The following POLR1A variants were observed in gnomAD, a reference collection of about 807,000 sequenced individuals.
The protein encoded by POLR1A is DNA-directed RNA polymerase I subunit RPA1.
Under a neutral mutation model 205.3 loss-of-function variants are expected in POLR1A, and 84 were observed. The observed-to-expected ratio is 0.41, with a 90% CI of 0.34 to 0.49. The LOEUF (loss-of-function observed/expected upper bound fraction) is 0.49, where lower values mean the gene tolerates loss of function less well. POLR1A is among the 20% of genes least tolerant of loss of function. POLR1A has a pLI of 0.22. For synonymous variants in POLR1A, 799 were observed against 863.7 expected, an observed-to-expected ratio of 0.93 and a Z score of 1.31; for missense variants, 1,645 against 2,204.5, an observed-to-expected ratio of 0.75 and a Z score of 5.08.
intron 1 of POLR1A, among the ~76,000 whole-genome samples, chr2:86,100,856 G>C (rs980485832): frequency 2.8e-4 from 43 of 152,182 alleles, no homozygotes; most frequent in African/African-American, 9.9e-4. Context: ...ATTTAGTCCT[G>C]ATCTTAATCC....
rs772936701 is a variant in POLR1A at position 86,031,556 on chromosome 2, G to C, written c.4352C>G (p.Pro1451Arg). ...DDEDMQEERN[P>R]HREGARKTQE... ...GGTCTTTCGAGCACCTTCCCTGTGG[G>C]GATTTCGTTCCTCCTGCATGTCTTC... The change falls in exon 30 of 34, where the codon CCC becomes CGC. Residue 1451 changes from proline (P) to arginine (R), a missense_variant. This residue lies in a region of POLR1A where 394 missense variants were observed against 468.5 expected (regional missense o/e 0.84). Transcript: ENST00000263857. 6.2e-7 allele frequency: 1 copy of C among 1,614,100 alleles called. No homozygotes were observed. The highest frequency in any genetic ancestry group is 1.3e-5 in the African/African-American group (1 of 75,008).
chr2:86,069,997 C>T, intron 13 of POLR1A, 21 bp downstream of exon 13: 2 of 1,605,268 alleles, frequency 1.2e-6, no homozygotes, highest in Non-Finnish European at 1.7e-6. Context: ...GACCACGGAA[C>T]AGCCTCAAGG....
intron 29 of POLR1A, 93 bp downstream of exon 29, chr2:86,032,179 A>C: frequency 1.2e-6 from 1 of 851,470 alleles, no homozygotes; most frequent in Non-Finnish European, 2.0e-6. Context: ...CATGACACAG[A>C]GGTGTGGCCT....
rs1297974858 is a variant in POLR1A at position 86,026,162 on chromosome 2, GCAGGC to G, written c.*1256_*1260del. ...GCTCTGGAAGGAGGTCACAGCAGAGGCAGGCCAGGGGCAGAGGTGGAGGAGGCTGC... is the reference window on the plus strand; with the variant it reads ...GCTCTGGAAGGAGGTCACAGCAGAGGCAGGGGCAGAGGTGGAGGAGGCTGC... On this transcript the variant is annotated 3_prime_UTR_variant, in exon 34 of 34. Coordinates refer to ENST00000263857, the MANE Select transcript of POLR1A (RefSeq NM_015425.6). 6.6e-6 allele frequency: 1 copy of G among 152,458 alleles called. No homozygotes were observed. Among genetic ancestry groups the G allele is most frequent in the Non-Finnish European group, 1.5e-5 (1 of 68,220 alleles). 9.4% of individuals were successfully genotyped at this position (152,458 alleles called of 1,614,324 possible). A position where few individuals can be genotyped will look rare whatever the true frequency, so the allele number is the denominator to read the frequency against.
chr2:86,041,149 C>CTGTGTGTGTGTG (rs756415592), intron 24 of POLR1A, among the ~76,000 whole-genome samples: 35 of 122,268 alleles, frequency 2.9e-4, no homozygotes, highest in East Asian at 9.7e-4. Context: ...CTGAGCTACA[C>CTGTGTGTGTGTG]TGTGTGTGTG....
intron 16 of POLR1A, among the ~76,000 whole-genome samples, chr2:86,051,827 T>C (rs1672808104): frequency 6.6e-6 from 1 of 152,208 alleles, no homozygotes; most frequent in Non-Finnish European, 1.5e-5. Flanking sequence ...TCAAAGCCAT[T>C]TTCCTAAAAC....
chr2:86,098,216 A>G (rs1180874627), intron 3 of POLR1A, among the ~76,000 whole-genome samples: 8 of 152,230 alleles, frequency 5.3e-5, no homozygotes, highest in South Asian at 2.1e-4. Flanking sequence ...AAGAAATCCT[A>G]TAAGACAACT....
At chr2:86,055,232 T>C (rs1573813943) in intron 14 of POLR1A, among the ~76,000 whole-genome samples, 2 of 151,542 alleles carry the variant, frequency 1.3e-5, no homozygotes, top group Non-Finnish European at 1.5e-5. Context: ...AAGGCAGAGA[T>C]TGCAGTTAGC....
rs1421114245 is a variant in POLR1A at position 86,045,403 on chromosome 2, C to T, written c.2887-43G>A. The T allele has an allele frequency of 2.7e-6, 4 of 1,495,216 alleles. No individual in the cohort carries two copies. In the African/African-American group the frequency reaches 5.5e-5, roughly 21 times the overall value. The allele number at this position is 1,495,216 out of a possible 1,614,324, so 92.6% of individuals were successfully genotyped here. ...CAGGTCCCAAAGGTGACAGTGAGGA[C>T]AGTGCGCTTCCTGAAGGGCTCAGGC... On this transcript the variant is annotated intron_variant, in intron 20 of 33. Transcript: ENST00000263857.
In POLR1A at chr2:86,075,186, G is replaced by A; in HGVS notation, c.1455C>T (p.Ile485=). ...CTCCTGGGTGCACATTAGGGCCGTTGATGACCGCTTGCCTAAGTTCCTGAA... is the reference window on the plus strand; with the variant it reads ...CTCCTGGGTGCACATTAGGGCCGTTAATGACCGCTTGCCTAAGTTCCTGAA... ...WNVQELRQAV[I]NGPNVHPGAS... is the part of the protein sequence containing the mutation. The change falls in exon 12 of 34, where the codon ATC becomes ATT. Residue 485 remains isoleucine, a synonymous_variant. Coordinates refer to ENST00000263857, the MANE Select transcript of POLR1A (RefSeq NM_015425.6). 6 of 1,613,404 alleles carry A rather than the reference G, an allele frequency of 3.7e-6. No individual in the cohort carries two copies. The highest frequency in any genetic ancestry group is 2.2e-5 in the East Asian group (1 of 44,868).
chr2:86,075,407 T>G (rs1673263030), intron 11 of POLR1A, 147 bp from the exon 12 acceptor site: 1 of 636,390 alleles, frequency 1.6e-6, no homozygotes, highest in Admixed American at 2.5e-5. Context: ...GTGAGCAAAG[T>G]AACATCCTGC....
At position 86,020,278 on chromosome 2, in the gene POLR1A, C is replaced by G. The variant is rs1180489531; in HGVS notation, c.*7145G>C. 6.6e-6 allele frequency: 1 copy of G among 152,232 alleles called. No homozygotes were observed. The highest frequency in any genetic ancestry group is 2.1e-4 in the South Asian group (1 of 4,818). The allele number at this position is 152,232 out of a possible 1,614,324, so 9.4% of individuals were successfully genotyped here. On this transcript the variant is annotated 3_prime_UTR_variant, in exon 34 of 34. Coordinates refer to ENST00000263857, the MANE Select transcript of POLR1A (RefSeq NM_015425.6). ...AAACTGAAGTACAAATGAGGCTGGGCATAGTGGCTTACACCTGTAATCCCA... is the reference window on the plus strand; with the variant it reads ...AAACTGAAGTACAAATGAGGCTGGGGATAGTGGCTTACACCTGTAATCCCA...
At chr2:86,057,686 A>G (rs1672920073) in intron 14 of POLR1A, among the ~76,000 whole-genome samples, 1 of 152,252 alleles carries the variant, frequency 6.6e-6, no homozygotes, top group Non-Finnish European at 1.5e-5. Context: ...ATTAAGTAAA[A>G]GAAATAAGTC....
chr2:86,068,591 G>T (rs1231647399), intron 13 of POLR1A, among the ~76,000 whole-genome samples: 1 of 152,102 alleles, frequency 6.6e-6, no homozygotes, highest in Non-Finnish European at 1.5e-5. Flanking sequence ...CCACCACAGA[G>T]CCACATTATT....
intron 9 of POLR1A, among the ~76,000 whole-genome samples, chr2:86,079,963 C>G (rs894787478): frequency 6.6e-6 from 1 of 152,172 alleles, no homozygotes; most frequent in African/African-American, 2.4e-5. Context: ...TGGCTGATGT[C>G]TTTTACACTA....
rs201827580 is a variant in POLR1A at position 86,089,911 on chromosome 2, C to T, written c.451G>A (p.Asp151Asn). The T allele has an allele frequency of 8.1e-6, 13 of 1,597,660 alleles. No individual in the cohort carries two copies. The highest frequency in any genetic ancestry group is 2.7e-5 in the African/African-American group (2 of 74,736). The stretch of plus-strand genomic sequence containing the variant: ...TCCCGAATTTCAGAGGCAGAGGGAT[C>T]GGGATTTTCTTCCAGAAACTGGAAA... The part of the protein sequence containing the change: ...ILNRFLEENP[D>N]PSASEIREEL... The change falls in exon 4 of 34, where the codon GAT (aspartate) becomes AAT (asparagine). Residue 151 changes from aspartate (D) to asparagine (N), a missense_variant. Asp to Asn is a conservative substitution (Grantham distance 23, BLOSUM62 1). Coordinates refer to ENST00000263857, the MANE Select transcript of POLR1A (RefSeq NM_015425.6).
At chr2:86,049,899 G>C (rs1279621547) in intron 16 of POLR1A, among the ~76,000 whole-genome samples, 4 of 151,956 alleles carry the variant, frequency 2.6e-5, no homozygotes, top group Non-Finnish European at 5.9e-5. Context: ...ATCAACTCTT[G>C]ATCAAACTAG....
chr2:86,088,344 G>A (rs1044016445), intron 6 of POLR1A, among the ~76,000 whole-genome samples: 3 of 152,262 alleles, frequency 2.0e-5, no homozygotes. Flanking sequence ...GTGGGGCACT[G>A]CCTCATAAAA....
intron 7 of POLR1A, 24 bp from the exon 8 acceptor site, chr2:86,081,730 A>G (rs1673405705): frequency 7.0e-7 from 1 of 1,423,530 alleles, no homozygotes; most frequent in Non-Finnish European, 9.9e-7. Context: ...AAATAAACCA[A>G]GAAGACCATT....
Sources: allele counts gnomAD v4.1 joint callset (sites outside exome capture counted in the v4.1 genomes callset), GRCh38; gene constraint gnomAD v4.1.1; regional missense constraint gnomAD v4.1.1; transcripts MANE v1.5; gene names NCBI Gene and HGNC (gene_info 2026-07-23, HGNC 2026-07-21).